ADGRL3: variants seen among roughly 807,000 people sequenced by gnomAD.
The protein encoded by ADGRL3 is adhesion G protein-coupled receptor L3.
In ADGRL3, 62 loss-of-function variants were observed where a neutral mutation model predicts 153.5. The ratio of observed to expected loss-of-function variants is 0.40; its 90% CI spans 0.33 to 0.50. The LOEUF (loss-of-function observed/expected upper bound fraction) is 0.50, where lower values mean the gene tolerates loss of function less well. ADGRL3 is among the 20% of genes least tolerant of loss of function. The pLI, the probability that ADGRL3 is intolerant of heterozygous loss-of-function variation, is 0.47. For missense variants in ADGRL3, 1,641 were observed against 1,859.4 expected (o/e 0.88, Z 2.16); for synonymous variants, 710 against 672.5 (o/e 1.06, Z -0.86).
chr4:61,465,232 A>G (rs896945489), intron 2 of ADGRL3, among the ~76,000 whole-genome samples: 3 of 152,226 alleles, frequency 2.0e-5, no homozygotes, highest in African/African-American at 7.2e-5. Context: ...AAGAAAGTAT[A>G]CAAATACAAG....
chr4:61,650,215 A>T (rs1418057841), intron 5 of ADGRL3, among the ~76,000 whole-genome samples: 4 of 152,120 alleles, frequency 2.6e-5, no homozygotes, highest in East Asian at 3.9e-4. Context: ...AAGCAGGATA[A>T]TTTTTTTTGT....
At chr4:61,791,380 A>G (rs1156720181) in intron 8 of ADGRL3, among the ~76,000 whole-genome samples, 1 of 152,166 alleles carries the variant, frequency 6.6e-6, no homozygotes, top group African/African-American at 2.4e-5. Context: ...AAAGCTCCAA[A>G]ATGATCTCCT....
intron 6 of ADGRL3, among the ~76,000 whole-genome samples, chr4:61,717,644 A>C (rs1465960082): frequency 6.6e-6 from 1 of 152,138 alleles, no homozygotes; most frequent in Non-Finnish European, 1.5e-5. Context: ...TGTTTCTATA[A>C]ATTCTTCTTG....
chr4:61,368,057 T>C (rs901850498), intron 1 of ADGRL3, among the ~76,000 whole-genome samples: 1 of 151,780 alleles, frequency 6.6e-6, no homozygotes, highest in Non-Finnish European at 1.5e-5. Context: ...TGTCTGTTCA[T>C]GTCCTTCGCC....
chr4:61,437,212 A>C (rs2097458689), intron 2 of ADGRL3, among the ~76,000 whole-genome samples: 1 of 152,222 alleles, frequency 6.6e-6, no homozygotes, highest in Admixed American at 6.5e-5. Flanking sequence ...TGTTCAGATT[A>C]AATTTTATTC....
chr4:62,056,921 T>A (rs1391617891), intron 25 of ADGRL3, among the ~76,000 whole-genome samples: 2 of 152,114 alleles, frequency 1.3e-5, no homozygotes, highest in African/African-American at 2.4e-5. Flanking sequence ...TATGACTGAC[T>A]ATTGATGAAT....
intron 9 of ADGRL3, among the ~76,000 whole-genome samples, chr4:61,867,603 A>C (rs2098410610): frequency 6.8e-6 from 1 of 147,468 alleles, no homozygotes; most frequent in Non-Finnish European, 1.5e-5. Flanking sequence ...CCTATAACAA[A>C]AGACAAATTA....
At position 61,798,586 on chromosome 4, in the gene ADGRL3, A is replaced by G. The variant is rs1383013762; in HGVS notation, c.1400-15223A>G. ...TTTTGAACCAAGGAAAGTAGGACTC[A>G]TTTATTTGTTTGTTTATTTATTTAT... is the stretch of plus-strand genomic sequence containing the variant. On this transcript the variant is annotated intron_variant, in intron 8 of 26. Coordinates refer to ENST00000683033, the MANE Select transcript of ADGRL3 (RefSeq NM_001387552.1). 2.0e-5 allele frequency among the ~76,000 whole-genome samples: 3 copies of G among 150,652 alleles called. No homozygotes were observed. In the South Asian group the frequency reaches 6.2e-4, roughly 31 times the overall value.
At chr4:61,373,415 T>C (rs1191932701) in intron 1 of ADGRL3, among the ~76,000 whole-genome samples, 3 of 152,208 alleles carry the variant, frequency 2.0e-5, no homozygotes, top group Admixed American at 2.0e-4. Context: ...ATACATAAAA[T>C]TATGTTTGCA....
chr4:61,453,677 A>G (rs1183635310), intron 2 of ADGRL3, among the ~76,000 whole-genome samples: 3 of 152,146 alleles, frequency 2.0e-5, no homozygotes, highest in African/African-American at 4.8e-5. Context: ...TTATAAATCC[A>G]TGTTCGTTCC....
intron 1 of ADGRL3, among the ~76,000 whole-genome samples, chr4:61,203,039 C>T (rs909368865): frequency 3.9e-5 from 6 of 152,182 alleles, no homozygotes; most frequent in African/African-American, 1.4e-4. Context: ...AGGCGCAGCT[C>T]GGCGACATGC....
intron 4 of ADGRL3, among the ~76,000 whole-genome samples, chr4:61,575,071 A>G (rs1232667906): frequency 6.6e-6 from 1 of 151,860 alleles, no homozygotes; most frequent in Non-Finnish European, 1.5e-5. Flanking sequence ...TATTCTTACA[A>G]CGTGATGTGG....
intron 6 of ADGRL3, among the ~76,000 whole-genome samples, chr4:61,700,106 A>G (rs951106007): frequency 2.6e-5 from 4 of 152,182 alleles, no homozygotes; most frequent in African/African-American, 9.6e-5. Context: ...GAGTCAATCC[A>G]TAAAATGTAT....
chr4:61,258,401 AGCCTTAGG>A (rs1389988556), intron 1 of ADGRL3, among the ~76,000 whole-genome samples: 2 of 152,152 alleles, frequency 1.3e-5, no homozygotes, highest in African/African-American at 2.4e-5. Context: ...TGGTTCATGA[AGCCTTAGG>A]GCCAGGAGTC....
chr4:61,347,934 T>G (rs548916732), intron 1 of ADGRL3, among the ~76,000 whole-genome samples: 50 of 152,236 alleles, frequency 3.3e-4, no homozygotes, highest in African/African-American at 1.2e-3. Context: ...TCTTCTCATT[T>G]CTTAAAACAG....
chr4:61,869,137 T>A (rs945274395), intron 9 of ADGRL3, among the ~76,000 whole-genome samples: 1 of 151,650 alleles, frequency 6.6e-6, no homozygotes, highest in Non-Finnish European at 1.5e-5. Flanking sequence ...TACAAAGGGG[T>A]TTTACCATGT....
chr4:61,395,044 A>G (rs746942142), intron 2 of ADGRL3, among the ~76,000 whole-genome samples: 2 of 152,062 alleles, frequency 1.3e-5, no homozygotes, highest in Non-Finnish European at 2.9e-5. Flanking sequence ...CTTCAGTGTT[A>G]TTAATTCCAC....
chr4:61,331,089 C>G (rs1039817094), intron 1 of ADGRL3, among the ~76,000 whole-genome samples: 1 of 152,166 alleles, frequency 6.6e-6, no homozygotes, highest in East Asian at 1.9e-4. Flanking sequence ...ATCATGTAGA[C>G]TGCTCCTTAG....
intron 1 of ADGRL3, among the ~76,000 whole-genome samples, chr4:61,331,841 G>A (rs1415356644): frequency 6.6e-6 from 1 of 151,962 alleles, no homozygotes; most frequent in Non-Finnish European, 1.5e-5. Context: ...TGCATGCATT[G>A]TCATTTTAAA....
Sources: allele counts gnomAD v4.1 joint callset (sites outside exome capture counted in the v4.1 genomes callset), GRCh38; gene constraint gnomAD v4.1.1; transcripts MANE v1.5; gene names NCBI Gene and HGNC (gene_info 2026-07-23, HGNC 2026-07-21).